Variants in RAPGEF2 observed in about 807,000 individuals in gnomAD.
RAPGEF2 encodes PDZ domain containing guanine nucleotide exchange factor (GEF) 1.
Under a neutral mutation model 186.7 loss-of-function variants are expected in RAPGEF2, and 54 were observed. The observed-to-expected ratio is 0.29, with a 90% CI of 0.23 to 0.36. RAPGEF2 has a LOEUF of 0.36. RAPGEF2 is among the 10% of genes least tolerant of loss of function. The pLI is 1.00. For synonymous variants in RAPGEF2, 712 were observed against 705.9 expected (o/e 1.01, Z -0.14); for missense variants, 1,532 against 2,045.0 (o/e 0.75, Z 4.84).
At chr4:159,135,068 G>A (rs144591168) in intron 1 of RAPGEF2, among the ~76,000 whole-genome samples, 729 of 152,180 alleles carry the variant, frequency 4.8e-3, no homozygotes, top group Non-Finnish European at 8.0e-3. Flanking sequence ...TTTGAGACAG[G>A]AGTCTCACTC....
Position 159,346,774 on chromosome 4 carries a change from C to T in RAPGEF2, c.3503-15C>T, listed in dbSNP as rs756991357. 2 of 1,608,326 alleles carry T rather than the reference C, an allele frequency of 1.2e-6. No individual in the cohort carries two copies. Among genetic ancestry groups the T allele is most frequent in the African/African-American group, 1.3e-5 (1 of 74,760 alleles). ...AAAATTCTTTGTTCTATTTTCAAAC[C>T]CAAACAATTATCAGTGCCTAAGAAT... is the stretch of plus-strand genomic sequence containing the variant. On this transcript the variant is annotated splice_polypyrimidine_tract_variant and intron_variant, in intron 24 of 29. Coordinates refer to ENST00000691494, the MANE Select transcript of RAPGEF2 (RefSeq NM_001394067.2).
intron 4 of RAPGEF2, among the ~76,000 whole-genome samples, chr4:159,211,893 T>TTGG (rs1166888666): frequency 6.6e-6 from 1 of 152,100 alleles, no homozygotes; most frequent in African/African-American, 2.4e-5. Context: ...GATGCTAGCA[T>TTGG]TGGTGGTGGT....
At position 159,227,411 on chromosome 4, in the gene RAPGEF2, G is replaced by A. The variant is rs1056614298; in HGVS notation, c.282-11398G>A. 1.1e-4 allele frequency among the ~76,000 whole-genome samples: 16 copies of A among 152,120 alleles called. 1 individual carries two copies. The highest frequency in any genetic ancestry group is 2.4e-4 in the African/African-American group (10 of 41,418). On this transcript the variant is annotated intron_variant, in intron 4 of 29. Transcript: ENST00000691494. ...TTCCTTGTCTATACAACTCATACAC[G>A]GCCAGCTTTGCACAATGAAATGGTG...
intron 7 of RAPGEF2, among the ~76,000 whole-genome samples, chr4:159,293,376 G>A (rs1761495212): frequency 6.6e-6 from 1 of 152,186 alleles, no homozygotes; most frequent in African/African-American, 2.4e-5. Flanking sequence ...TAAGATGCAT[G>A]ACAGCATGGG....
At chr4:159,262,307 G>A (rs1216421895) in intron 7 of RAPGEF2, among the ~76,000 whole-genome samples, 2 of 152,154 alleles carry the variant, frequency 1.3e-5, no homozygotes, top group African/African-American at 2.4e-5. Flanking sequence ...TTGTGCTCAT[G>A]CAACATATTA....
At chr4:159,356,323 ACTG>A (rs977389798) in intron 29 of RAPGEF2, among the ~76,000 whole-genome samples, 165 bp downstream of exon 29, 24 of 152,046 alleles carry the variant, frequency 1.6e-4, no homozygotes, top group African/African-American at 5.8e-4. Context: ...ACAGCTGTTG[ACTG>A]CTTTCTTTTG....
chr4:159,126,497 A>G (rs962897380), intron 1 of RAPGEF2, among the ~76,000 whole-genome samples: 6 of 151,800 alleles, frequency 4.0e-5, no homozygotes, highest in African/African-American at 4.8e-5. Context: ...TTTTGATTGT[A>G]AAATGTCATT....
At chr4:159,257,943 C>G (rs1382688151) in intron 7 of RAPGEF2, among the ~76,000 whole-genome samples, 1 of 152,002 alleles carries the variant, frequency 6.6e-6, no homozygotes, top group Admixed American at 6.6e-5. Flanking sequence ...TTGTCCTATC[C>G]CATTTAAAGT....
At chr4:159,183,477 A>AGT (rs1309497213) in intron 1 of RAPGEF2, among the ~76,000 whole-genome samples, 4 of 152,366 alleles carry the variant, frequency 2.6e-5, no homozygotes, top group African/African-American at 9.6e-5. Flanking sequence ...AAAATATAGT[A>AGT]GTAAATCATT....
intron 1 of RAPGEF2, among the ~76,000 whole-genome samples, chr4:159,146,766 C>T (rs534671762): frequency 2.7e-3 from 405 of 152,278 alleles, no homozygotes; most frequent in Non-Finnish European, 4.5e-3. Flanking sequence ...GGTTTCTTCC[C>T]TCCCAGCTTT....
intron 8 of RAPGEF2, among the ~76,000 whole-genome samples, chr4:159,307,482 C>T (rs1273006382): frequency 6.6e-6 from 1 of 152,070 alleles, no homozygotes; most frequent in East Asian, 1.9e-4. Flanking sequence ...GAACAGTATA[C>T]ATAAAAGTTG....
At chr4:159,305,931 A>G (rs1422860829) in intron 8 of RAPGEF2, among the ~76,000 whole-genome samples, 1 of 151,972 alleles carries the variant, frequency 6.6e-6, no homozygotes, top group East Asian at 1.9e-4. Flanking sequence ...TCCCCAGTAT[A>G]TGTTCTTCTT....
At chr4:159,269,933 G>C (rs1251946688) in intron 7 of RAPGEF2, among the ~76,000 whole-genome samples, 1 of 152,244 alleles carries the variant, frequency 6.6e-6, no homozygotes, top group South Asian at 2.1e-4. Flanking sequence ...AGTTGGGACA[G>C]ATATTACCCA....
rs1278340762 is a variant in RAPGEF2, at chr4:159,330,263, A to ATGTG, written c.1303-70_1303-69insGTGT. On this transcript the variant is annotated intron_variant, in intron 12 of 29. Coordinates refer to ENST00000691494, the MANE Select transcript of RAPGEF2 (RefSeq NM_001394067.2). ...GTCATATATGTGTGTGTGTATATGT[A>ATGTG]TATGTGTGTGTGTGTGTGTGTGTGT... is the stretch of plus-strand genomic sequence containing the variant. 7.8e-3 allele frequency: 3,196 copies of ATGTG among 410,102 alleles called. 76 individuals carry two copies. In the African/African-American group the frequency reaches 0.12, roughly 15 times the overall value. 25.4% of individuals were successfully genotyped at this position (410,102 alleles called of 1,614,324 possible).
intron 1 of RAPGEF2, among the ~76,000 whole-genome samples, chr4:159,177,282 T>C (rs959060770): frequency 4.6e-5 from 7 of 151,800 alleles, no homozygotes; most frequent in Non-Finnish European, 7.4e-5. Flanking sequence ...AATTCTGATA[T>C]ATATAGTGTC....
chr4:159,261,353 C>T (rs149933169), intron 7 of RAPGEF2, among the ~76,000 whole-genome samples: 6 of 152,214 alleles, frequency 3.9e-5, no homozygotes, highest in East Asian at 3.9e-4. Context: ...TGAGCCACCG[C>T]ATCCAGCTGA....
At chr4:159,349,946 G>A (rs1047968826) in intron 25 of RAPGEF2, among the ~76,000 whole-genome samples, 191 bp from the exon 26 acceptor site, 3 of 152,102 alleles carry the variant, frequency 2.0e-5, no homozygotes, top group Non-Finnish European at 4.4e-5. Flanking sequence ...ACCAAACTAC[G>A]GGTATCTCAT....
At chr4:159,200,903 T>C (rs568981307) in intron 3 of RAPGEF2, among the ~76,000 whole-genome samples, 5 of 152,304 alleles carry the variant, frequency 3.3e-5, no homozygotes, top group South Asian at 2.1e-4. Context: ...ATAATTGATA[T>C]ATTTACATAT....
chr4:159,268,935 GATTGATACATACATAAATAT>G (rs1449006095), intron 7 of RAPGEF2, among the ~76,000 whole-genome samples: 1 of 152,130 alleles, frequency 6.6e-6, no homozygotes, highest in African/African-American at 2.4e-5. Context: ...AAATTCACAT[GATTGATACATACATAAATAT>G]ATTCAATCGT....
Sources: gnomAD v4.1 joint callset for allele counts (sites outside exome capture counted in the v4.1 genomes callset) on GRCh38, gnomAD v4.1.1 for gene constraint, MANE v1.5 for transcripts, NCBI Gene and HGNC (gene_info 2026-07-23, HGNC 2026-07-21) for gene names.